BCKDHB: variants seen among roughly 807,000 people sequenced by gnomAD.
BCKDHB encodes branched chain keto acid dehydrogenase E1 subunit beta, also known as 2-oxoisovalerate dehydrogenase subunit beta, mitochondrial.
A neutral mutation model predicts 48.5 loss-of-function variants in BCKDHB; 41 were observed. That is an observed-to-expected ratio of 0.85 (90% CI 0.66 to 1.10). The LOEUF is 1.10. Ranked by LOEUF, BCKDHB falls within the 50% of genes least tolerant of loss-of-function variation. The probability of loss-of-function intolerance (pLI) is 0.00; values close to 1 mark genes in which losing one functional copy is unlikely to be tolerated. For synonymous variants in BCKDHB, 201 were observed against 174.8 expected, an observed-to-expected ratio of 1.15 and a Z score of -1.18; for missense variants, 496 against 494.2, an observed-to-expected ratio of 1.00 and a Z score of -0.03.
chr6:80,359,026 T>A, the BCKDHB span, among the ~76,000 whole-genome samples: 1 of 152,180 alleles, frequency 6.6e-6, no homozygotes, highest in Non-Finnish European at 1.5e-5. Context: ...GGATTTACTC[T>A]GGGGCTTTTT....
chr6:80,447,987 A>G, the BCKDHB span, among the ~76,000 whole-genome samples: 1 of 152,222 alleles, frequency 6.6e-6, no homozygotes, highest in Non-Finnish European at 1.5e-5. Flanking sequence ...AAAATAAATA[A>G]ACATAGAAGT....
the BCKDHB span, among the ~76,000 whole-genome samples, chr6:80,364,870 T>C: frequency 2.6e-5 from 4 of 152,136 alleles, no homozygotes; most frequent in African/African-American, 9.7e-5. Flanking sequence ...ATATTTTCCG[T>C]AAGTGTTGGC....
At position 80,142,095 on chromosome 6, in the gene BCKDHB, G is replaced by A. The variant is rs145787305; in HGVS notation, c.343+12866G>A. The stretch of plus-strand genomic sequence containing the variant: ...AATTTTCATTTCTTATGTATTTGGA[G>A]TTGCTTGTTTTTTGATTCAGATATA... On this transcript the variant is annotated intron_variant, in intron 3 of 9. Coordinates refer to ENST00000320393, the MANE Select transcript of BCKDHB (RefSeq NM_183050.4). 1.7e-3 allele frequency among the ~76,000 whole-genome samples: 265 copies of A among 152,136 alleles called. 1 individual carries two copies. The highest frequency in any genetic ancestry group is 6.0e-3 in the African/African-American group (251 of 41,542).
At chr6:80,436,642 T>G in the BCKDHB span, among the ~76,000 whole-genome samples, 1 of 152,348 alleles carries the variant, frequency 6.6e-6, no homozygotes, top group East Asian at 1.9e-4. Context: ...AGAGGAATTT[T>G]TAAGCCTTTT....
chr6:80,202,043 A>C (rs991696815), intron 7 of BCKDHB, among the ~76,000 whole-genome samples: 8 of 151,722 alleles, frequency 5.3e-5, no homozygotes, highest in Non-Finnish European at 1.2e-4. Flanking sequence ...GGGTGTGGCA[A>C]ACCTTTTTGC....
chr6:80,349,803 G>C (rs796173779), downstream of BCKDHB, among the ~76,000 whole-genome samples: 13 of 152,224 alleles, frequency 8.5e-5, no homozygotes, highest in African/African-American at 2.9e-4. Flanking sequence ...AGTTACAAAA[G>C]ATATGGAGAG....
chr6:80,120,875 C>G (rs542715432), intron 1 of BCKDHB, among the ~76,000 whole-genome samples: 1 of 152,086 alleles, frequency 6.6e-6, no homozygotes, highest in East Asian at 1.9e-4. Flanking sequence ...AATTAGATCC[C>G]CTTTGTCTAT....
chr6:80,182,231 A>G (rs373044469), intron 6 of BCKDHB, among the ~76,000 whole-genome samples: 8 of 152,328 alleles, frequency 5.3e-5, no homozygotes, highest in African/African-American at 1.9e-4. Context: ...AGTATTGAGT[A>G]GCAGGAAGAA....
chr6:80,355,474 A>C, the BCKDHB span: 1 of 151,594 alleles, frequency 6.6e-6, no homozygotes, highest in Admixed American at 6.6e-5. Flanking sequence ...CTATTAAAGC[A>C]TGTTTACTTG....
chr6:80,306,010 C>G (rs906459800), intron 9 of BCKDHB, among the ~76,000 whole-genome samples: 10 of 152,134 alleles, frequency 6.6e-5, no homozygotes, highest in Non-Finnish European at 1.3e-4. Flanking sequence ...GTTTTCTCAT[C>G]TGGAAAATGG....
chr6:80,211,334 G>A (rs1020465560), intron 8 of BCKDHB, among the ~76,000 whole-genome samples: 3 of 152,040 alleles, frequency 2.0e-5, no homozygotes, highest in African/African-American at 7.2e-5. Flanking sequence ...GGTGTGTCCT[G>A]CCTCCCAGAT....
At chr6:80,312,052 A>G (rs1768192080) in intron 9 of BCKDHB, among the ~76,000 whole-genome samples, 1 of 152,170 alleles carries the variant, frequency 6.6e-6, no homozygotes, top group Admixed American at 6.5e-5. Context: ...GTTCTTATTA[A>G]TGAGTCTGGA....
At chr6:80,280,623 A>G (rs1778156532) in intron 9 of BCKDHB, among the ~76,000 whole-genome samples, 1 of 151,486 alleles carries the variant, frequency 6.6e-6, no homozygotes, top group Admixed American at 6.6e-5. Flanking sequence ...TTGGTTTTCC[A>G]TGTGAAAAAA....
the BCKDHB span, among the ~76,000 whole-genome samples, chr6:80,407,624 TG>T: frequency 2.0e-5 from 3 of 152,202 alleles, no homozygotes; most frequent in South Asian, 6.2e-4. Context: ...CAATTGTGAA[TG>T]GGAGCTCACT....
At chr6:80,224,686 C>T (rs749655067) in intron 8 of BCKDHB, among the ~76,000 whole-genome samples, 6 of 152,180 alleles carry the variant, frequency 3.9e-5, no homozygotes, top group Non-Finnish European at 7.3e-5. Context: ...AGGAGTGAGC[C>T]ACTGTGCCAG....
rs563150326 is a variant in BCKDHB, at chr6:80,277,099, A to C, written c.1038+3878A>C. On this transcript the variant is annotated intron_variant, in intron 9 of 9. Coordinates refer to ENST00000320393, the MANE Select transcript of BCKDHB (RefSeq NM_183050.4). ...TTTTCATTCTTTTCTTTTACTTGAC[A>C]CATACTATAACTTAAAATGCTTCTT... 2.7e-3 allele frequency among the ~76,000 whole-genome samples: 415 copies of C among 152,170 alleles called. 2 individuals carry two copies. Among genetic ancestry groups the C allele is most frequent in the African/African-American group, 9.3e-3 (385 of 41,572 alleles).
intron 9 of BCKDHB, among the ~76,000 whole-genome samples, chr6:80,326,090 G>A (rs1009271581): frequency 6.6e-6 from 1 of 152,212 alleles, no homozygotes; most frequent in Non-Finnish European, 1.5e-5. Context: ...CTATATTAGT[G>A]TAGGATGTTA....
intron 9 of BCKDHB, among the ~76,000 whole-genome samples, chr6:80,275,378 CTGT>C (rs1433006613): frequency 6.6e-6 from 1 of 152,052 alleles, no homozygotes; most frequent in Non-Finnish European, 1.5e-5. Context: ...ATACAATGTT[CTGT>C]TGTTCATGGC....
At chr6:80,412,441 C>A in the BCKDHB span, among the ~76,000 whole-genome samples, 3 of 152,040 alleles carry the variant, frequency 2.0e-5, no homozygotes, top group East Asian at 3.9e-4. Context: ...GCCATCACAC[C>A]CAGGCTATAG....
Sources: gnomAD v4.1 joint callset for allele counts (sites outside exome capture counted in the v4.1 genomes callset) on GRCh38, gnomAD v4.1.1 for gene constraint, MANE v1.5 for transcripts, NCBI Gene and HGNC (gene_info 2026-07-23, HGNC 2026-07-21) for gene names.